CIB4: variants seen among roughly 807,000 people sequenced by gnomAD.
The protein encoded by CIB4 is calcium and integrin-binding family member 4.
A neutral mutation model predicts 25.8 loss-of-function variants in CIB4; 25 were observed. The ratio of observed to expected loss-of-function variants is 0.97; its 90% CI spans 0.71 to 1.35. The LOEUF is 1.35. Ranked by LOEUF, CIB4 falls within the 40% of genes most tolerant of loss-of-function variation. The pLI is 0.00. For synonymous variants in CIB4, 75 were observed against 81.4 expected (o/e 0.92, Z 0.42); for missense variants, 235 against 228.2 (o/e 1.03, Z -0.19).
chr2:26,637,265 G>T (rs947129312), intron 2 of CIB4, among the ~76,000 whole-genome samples: 2 of 152,016 alleles, frequency 1.3e-5, no homozygotes, highest in Non-Finnish European at 2.9e-5. Flanking sequence ...GAGCCTTTCT[G>T]CGTTCTCGAT....
chr2:26,584,171 C>A (rs981319171), intron 4 of CIB4, among the ~76,000 whole-genome samples: 1 of 152,172 alleles, frequency 6.6e-6, no homozygotes, highest in African/African-American at 2.4e-5. Context: ...TCACAATCAA[C>A]CTTTTATTAG....
chr2:26,627,507 G>A lies in CIB4; in HGVS notation c.186+1903C>T, dbSNP rs1669331961. On this transcript the variant is annotated intron_variant, in intron 3 of 6. Transcript: ENST00000288861. The surrounding 1 kb of genome is among the most constrained non-coding windows in gnomAD (Gnocchi z 4.0). ...GCTTCCCATCAGCCCTGCCTGTCTG[G>A]CTGGCCCTGACCCCGGGTCCCTTAG... 6.6e-6 allele frequency among the ~76,000 whole-genome samples: 1 copy of A among 152,146 alleles called. No individual in the cohort carries two copies. The highest frequency in any genetic ancestry group is 2.1e-4 in the South Asian group (1 of 4,828).
chr2:26,606,291 C>T (rs1335293538), intron 3 of CIB4, among the ~76,000 whole-genome samples: 2 of 152,130 alleles, frequency 1.3e-5, no homozygotes, highest in South Asian at 2.1e-4. Context: ...ATCAAGCGCA[C>T]GCAAAGTGCT....
intron 3 of CIB4, among the ~76,000 whole-genome samples, chr2:26,610,504 GTTC>G (rs1161451124): frequency 1.3e-5 from 2 of 152,154 alleles, no homozygotes; most frequent in Non-Finnish European, 2.9e-5. Flanking sequence ...CCAGCTTTCT[GTTC>G]TTCTCTCTCC....
rs987869336 is a variant in CIB4, at chr2:26,627,522, G to A, written c.186+1888C>T. On this transcript the variant is annotated intron_variant, in intron 3 of 6. Coordinates refer to ENST00000288861, the MANE Select transcript of CIB4 (RefSeq NM_001029881.3). The surrounding 1 kb of genome is among the most constrained non-coding windows in gnomAD (Gnocchi z 4.0). ...TGCCTGTCTGGCTGGCCCTGACCCCGGGTCCCTTAGTGGATGGCCTGGGTT... is the reference window on the plus strand; with the variant it reads ...TGCCTGTCTGGCTGGCCCTGACCCCAGGTCCCTTAGTGGATGGCCTGGGTT... Among the ~76,000 whole-genome samples the A allele has an allele frequency of 8.5e-5, 13 of 152,226 alleles. No homozygotes were observed. The highest frequency in any genetic ancestry group is 4.6e-4 in the Admixed American group (7 of 15,302).
At chr2:26,589,506 G>A (rs1668545760) in intron 4 of CIB4, among the ~76,000 whole-genome samples, 1 of 152,044 alleles carries the variant, frequency 6.6e-6, no homozygotes. Flanking sequence ...ATTTTTAGTA[G>A]AGACGGGGTT....
chr2:26,609,215 AC>A (rs1364897759), intron 3 of CIB4, among the ~76,000 whole-genome samples: 1 of 152,184 alleles, frequency 6.6e-6, no homozygotes, highest in Non-Finnish European at 1.5e-5. Flanking sequence ...TCTGGTCTGA[AC>A]AGGCCTGGGT....
chr2:26,630,472 A>G (rs1375652647), intron 2 of CIB4, among the ~76,000 whole-genome samples: 1 of 152,158 alleles, frequency 6.6e-6, no homozygotes, highest in East Asian at 1.9e-4. Flanking sequence ...AAGGGACAAG[A>G]ATGATATGTC....
intron 3 of CIB4, among the ~76,000 whole-genome samples, chr2:26,628,015 C>T (rs898619496): frequency 1.3e-4 from 20 of 152,170 alleles, no homozygotes; most frequent in African/African-American, 3.6e-4. Context: ...GAGCCCAGTT[C>T]GTTCCAAACA....
chr2:26,622,643 T>C (rs753480102), intron 3 of CIB4, among the ~76,000 whole-genome samples: 1 of 152,044 alleles, frequency 6.6e-6, no homozygotes, highest in Non-Finnish European at 1.5e-5. Flanking sequence ...GCAACCCTCA[T>C]AGGGCAACTT....
intron 2 of CIB4, among the ~76,000 whole-genome samples, chr2:26,634,881 G>A (rs1669501836): frequency 6.6e-6 from 1 of 152,202 alleles, no homozygotes; most frequent in South Asian, 2.1e-4. Flanking sequence ...AGAGTGTCAG[G>A]AACCATCCCA....
intron 3 of CIB4, among the ~76,000 whole-genome samples, chr2:26,595,836 G>A (rs1668671255): frequency 1.3e-5 from 2 of 152,198 alleles, no homozygotes; most frequent in East Asian, 1.9e-4. Flanking sequence ...GTGATGGGAG[G>A]GAGGTGGTTG....
chr2:26,593,962 A>C (rs956559851), intron 4 of CIB4, among the ~76,000 whole-genome samples: 1 of 151,984 alleles, frequency 6.6e-6, no homozygotes, highest in Admixed American at 6.5e-5. Flanking sequence ...TGTGCCCCAA[A>C]CTCTCTGGCT....
intron 5 of CIB4, 148 bp downstream of exon 5, chr2:26,583,641 A>C: frequency 1.9e-5 from 12 of 627,004 alleles, no homozygotes; most frequent in Non-Finnish European, 3.2e-5. Context: ...CCCCCAGGGA[A>C]TGTGTGCACC....
intron 3 of CIB4, among the ~76,000 whole-genome samples, chr2:26,624,892 A>G (rs993392892): frequency 6.6e-6 from 1 of 152,134 alleles, no homozygotes; most frequent in African/African-American, 2.4e-5. Flanking sequence ...TAATAATTGT[A>G]TATTTGGAAA....
intron 3 of CIB4, among the ~76,000 whole-genome samples, chr2:26,628,612 C>T (rs888861902): frequency 6.6e-6 from 1 of 152,072 alleles, no homozygotes; most frequent in East Asian, 1.9e-4. Context: ...GAATTGAGGG[C>T]GAGTTGAGGA....
intron 4 of CIB4, among the ~76,000 whole-genome samples, chr2:26,587,945 G>A (rs1668487655): frequency 6.6e-6 from 1 of 152,220 alleles, no homozygotes; most frequent in African/African-American, 2.4e-5. Flanking sequence ...ACTTGTCTCT[G>A]TTCCCCATGG....
intron 3 of CIB4, among the ~76,000 whole-genome samples, chr2:26,609,213 G>A (rs72857962): frequency 0.024 from 3,700 of 152,296 alleles, 131 homozygotes; most frequent in African/African-American, 0.075. Context: ...CCTCTGGTCT[G>A]AACAGGCCTG....
chr2:26,598,623 G>A (rs182640903), intron 3 of CIB4, among the ~76,000 whole-genome samples: 1 of 152,320 alleles, frequency 6.6e-6, no homozygotes, highest in East Asian at 1.9e-4. Flanking sequence ...GGGTCCTGGG[G>A]ACCCAGGAGT....
Sources: gnomAD v4.1 joint callset for allele counts (sites outside exome capture counted in the v4.1 genomes callset) on GRCh38, gnomAD v4.1.1 for gene constraint, Gnocchi (gnomAD v3.1) non-coding constraint, MANE v1.5 for transcripts, NCBI Gene and HGNC (gene_info 2026-07-23, HGNC 2026-07-21) for gene names.